DNM2: variants seen among roughly 807,000 people sequenced by gnomAD.
The protein encoded by DNM2 is dynamin-2.
A neutral mutation model predicts 99.0 loss-of-function variants in DNM2; 15 were observed. That is an observed-to-expected ratio of 0.15 (90% CI 0.10 to 0.23). DNM2 has a LOEUF of 0.23. Ranked by LOEUF, DNM2 falls within the 10% of genes least tolerant of loss-of-function variation. DNM2 has a pLI of 1.00. For synonymous variants in DNM2, 525 were observed against 481.2 expected (o/e 1.09, Z -1.19); for missense variants, 742 against 1,189.4 (o/e 0.62, Z 5.53).
At chr19:10,744,338 G>A (rs1342747285) in intron 1 of DNM2, among the ~76,000 whole-genome samples, 4 of 152,134 alleles carry the variant, frequency 2.6e-5, no homozygotes, top group South Asian at 2.1e-4. Flanking sequence ...AGGATCTGCC[G>A]AGAGATACGC....
chr19:10,768,207 A>C (rs185812817), intron 2 of DNM2, among the ~76,000 whole-genome samples: 492 of 152,166 alleles, frequency 3.2e-3, no homozygotes, highest in Middle Eastern at 0.01. Context: ...TAATCCCAGC[A>C]CTTTGGGAGG....
intron 1 of DNM2, 46 bp from the exon 2 acceptor site, chr19:10,759,692 C>G (rs187568677): frequency 6.2e-7 from 1 of 1,612,012 alleles, no homozygotes; most frequent in African/African-American, 1.3e-5. Context: ...TCCTGCCCCT[C>G]GATCCGGACG....
At chr19:10,806,778 GC>G (rs1206022020) in intron 13 of DNM2, among the ~76,000 whole-genome samples, 1 of 152,134 alleles carries the variant, frequency 6.6e-6, no homozygotes, top group Non-Finnish European at 1.5e-5. Context: ...GGGTGACAGG[GC>G]CAGACTCTGT....
chr19:10,823,405 CA>C lies in DNM2; in HGVS notation c.1782-371del, dbSNP rs984141693. On this transcript the variant is annotated intron_variant, in intron 16 of 20. Coordinates refer to ENST00000389253, the MANE Select transcript of DNM2 (RefSeq NM_001005361.3). ...GGACAACAAAAGCGAAACTCCGTCTCAAAAAAAAAAAATAAATAATAATAAT... is the reference window on the plus strand; with the variant it reads ...GGACAACAAAAGCGAAACTCCGTCTCAAAAAAAAAAATAAATAATAATAAT... The C allele has an allele frequency of 1.6e-3, 222 of 136,620 alleles. 2 individuals carry two copies. Among genetic ancestry groups the C allele is most frequent in the Non-Finnish European group, 7.9e-4 (50 of 62,962 alleles). The allele number at this position is 136,620 out of a possible 1,614,324, so 8.5% of individuals were successfully genotyped here.
intron 14 of DNM2, chr19:10,810,934 C>A (rs982232761): frequency 1.4e-4 from 21 of 152,340 alleles, no homozygotes; most frequent in African/African-American, 4.8e-4. Flanking sequence ...CTCGTCACTG[C>A]GTTCCCAGAG....
intron 2 of DNM2, among the ~76,000 whole-genome samples, chr19:10,760,773 A>G (rs1006989571): frequency 3.5e-5 from 5 of 144,602 alleles, no homozygotes; most frequent in African/African-American, 7.7e-5. Flanking sequence ...ATCCTCTCCA[A>G]TCAGCCTCTC....
At chr19:10,733,591 CTCTAA>C in intron 1 of DNM2, among the ~76,000 whole-genome samples, 1 of 152,244 alleles carries the variant, frequency 6.6e-6, no homozygotes. Flanking sequence ...CACCAGTGTC[CTCTAA>C]TTTTATATTT....
rs566260429 is a variant in DNM2, at chr19:10,800,915, G to A, written c.1423-1373G>A. Among the ~76,000 whole-genome samples, 34 of 152,366 alleles carry A rather than the reference G, an allele frequency of 2.2e-4. 1 individual carries two copies. The South Asian group carries it at 3.1e-3, about 14-fold the overall frequency. On this transcript the variant is annotated intron_variant, in intron 11 of 20. Transcript: ENST00000389253. The stretch of plus-strand genomic sequence containing the variant: ...ATAGCTTGAGCGTGTGTGTGTGTGC[G>A]CGCGTGCACGTGCACGTGTGTGTTT...
At chr19:10,754,779 A>G (rs1233033789) in intron 1 of DNM2, among the ~76,000 whole-genome samples, 1 of 148,780 alleles carries the variant, frequency 6.7e-6, no homozygotes, top group East Asian at 2.3e-4. Flanking sequence ...TTTTGTAGAG[A>G]CAGGGGCTCG....
Position 10,788,427 on chromosome 19 carries a change from G to A in DNM2, c.992+1721G>A, listed in dbSNP as rs966381721. Among the ~76,000 whole-genome samples the A allele has an allele frequency of 7.2e-5, 11 of 152,264 alleles. 1 individual carries two copies. The highest frequency in any genetic ancestry group is 6.5e-4 in the Admixed American group (10 of 15,288). On this transcript the variant is annotated intron_variant, in intron 7 of 20. Coordinates refer to ENST00000389253, the MANE Select transcript of DNM2 (RefSeq NM_001005361.3). ...GTGGGAGGAGGTGATAGAGCAGGTT[G>A]TGCAGGGCCTTGTGGGGCCTCAGGG... is the stretch of plus-strand genomic sequence containing the variant.
chr19:10,750,762 C>T (rs113001216), intron 1 of DNM2, among the ~76,000 whole-genome samples: 1,525 of 152,116 alleles, frequency 0.01, 19 homozygotes, highest in African/African-American at 0.035. Flanking sequence ...AAAACCCCAT[C>T]TCTACTAAAA....
intron 1 of DNM2, among the ~76,000 whole-genome samples, chr19:10,748,195 C>T (rs904915654): frequency 2.0e-5 from 3 of 152,156 alleles, no homozygotes; most frequent in African/African-American, 7.2e-5. Context: ...TGTGCACAGG[C>T]ACCTTGTGGC....
chr19:10,803,289 C>T (rs1480673218), intron 12 of DNM2, among the ~76,000 whole-genome samples: 1 of 152,152 alleles, frequency 6.6e-6, no homozygotes, highest in Admixed American at 6.5e-5. Flanking sequence ...TATCGGTGCA[C>T]CTGACAAAGC....
intron 2 of DNM2, among the ~76,000 whole-genome samples, chr19:10,767,408 C>T (rs1463157271): frequency 2.0e-5 from 3 of 152,188 alleles, no homozygotes; most frequent in African/African-American, 7.2e-5. Context: ...ACCTCCCAGG[C>T]TCAAGCAGTC....
chr19:10,820,837 G>C lies in DNM2; in HGVS notation c.1781+748G>C, dbSNP rs147290864. 5.8e-4 allele frequency among the ~76,000 whole-genome samples: 88 copies of C among 152,350 alleles called. 1 individual carries two copies. In the East Asian group the frequency reaches 0.015, roughly 26 times the overall value. ...CGAAACCAGATGAGCTCCCAGGAGA[G>C]TGAAGCTGGAGAATGGGAGGCCCCA... is the stretch of plus-strand genomic sequence containing the variant. On this transcript the variant is annotated intron_variant, in intron 16 of 20. Coordinates refer to ENST00000389253, the MANE Select transcript of DNM2 (RefSeq NM_001005361.3). This position sits in a 1 kb window ranked among gnomAD's most constrained non-coding sequence, Gnocchi z 4.3.
rs886054138 is a variant in DNM2, at chr19:10,718,090, G to T, written c.-153G>T. On this transcript the variant is annotated 5_prime_UTR_variant, in exon 1 of 21. An upstream start codon of the reference 5' UTR is lost. Transcript: ENST00000389253. ...GTCGGGTGTCGCCTGAGAACCGGAT[G>T]AGGCGGCGACCGTGAGGCCGAGCCG... is the stretch of plus-strand genomic sequence containing the variant. 23 of 909,150 alleles carry T rather than the reference G, an allele frequency of 2.5e-5. No homozygotes were observed. The highest frequency in any genetic ancestry group is 1.0e-5 in the Non-Finnish European group (7 of 692,434). 56.3% of individuals were successfully genotyped at this position (909,150 alleles called of 1,614,324 possible).
chr19:10,723,402 G>A (rs945598089), intron 1 of DNM2, among the ~76,000 whole-genome samples: 2 of 152,134 alleles, frequency 1.3e-5, no homozygotes, highest in African/African-American at 4.8e-5. Context: ...CAAAGTGCTG[G>A]GATTACAGGC....
rs1354333435 is a variant in DNM2, at chr19:10,744,293, CAG to C, written c.162-15442_162-15441del. 2.6e-5 allele frequency among the ~76,000 whole-genome samples: 4 copies of C among 152,212 alleles called. No homozygotes were observed. In the South Asian group the frequency reaches 8.3e-4, roughly 32 times the overall value. ...TTGGCCTCAGGACATTAGAGCGAAA[CAG>C]AGGAGGAGGGGATGGGTCTGGATAT... On this transcript the variant is annotated intron_variant, in intron 1 of 20. Coordinates refer to ENST00000389253, the MANE Select transcript of DNM2 (RefSeq NM_001005361.3).
At chr19:10,739,859 CTCAAAAA>C (rs1169511483) in intron 1 of DNM2, among the ~76,000 whole-genome samples, 1 of 109,756 alleles carries the variant, frequency 9.1e-6, no homozygotes. Context: ...CTCTCTCTCT[CTCAAAAA>C]AAAAAAAAAA....
Sources: gnomAD v4.1 joint callset for allele counts (sites outside exome capture counted in the v4.1 genomes callset) on GRCh38, gnomAD v4.1.1 for gene constraint, Gnocchi (gnomAD v3.1) non-coding constraint, MANE v1.5 for transcripts, NCBI Gene and HGNC (gene_info 2026-07-23, HGNC 2026-07-21) for gene names.